The following SLC12A2 variants were observed in gnomAD, a reference collection of about 807,000 sequenced individuals.
SLC12A2 encodes the protein Na-K-2Cl cotransporter 1.
A neutral mutation model predicts 136.3 loss-of-function variants in SLC12A2; 67 were observed. That is an observed-to-expected ratio of 0.49 (90% CI 0.40 to 0.60). The LOEUF (loss-of-function observed/expected upper bound fraction) is 0.60, where lower values mean the gene tolerates loss of function less well. Ranked by LOEUF, SLC12A2 falls within the 20% of genes least tolerant of loss-of-function variation. The pLI, the probability that SLC12A2 is intolerant of heterozygous loss-of-function variation, is 0.00. For missense variants in SLC12A2, 1,322 were observed against 1,534.7 expected (o/e 0.86, Z 2.32); for synonymous variants, 619 against 562.9 (o/e 1.10, Z -1.41).
Position 128,147,649 on chromosome 5 carries a change from C to T in SLC12A2, c.1801C>T (p.Pro601Ser), listed in dbSNP as rs769611154. The T allele has an allele frequency of 6.2e-7, 1 of 1,609,252 alleles. No individual in the cohort carries two copies. Among genetic ancestry groups the T allele is most frequent in the Non-Finnish European group, 8.5e-7 (1 of 1,176,472 alleles). The change falls in exon 11 of 27, where the codon CCA becomes TCA. Residue 601 changes from proline to serine, a missense_variant. By Grantham distance (74) the Pro-to-Ser change is moderately conservative. Transcript: ENST00000262461. Reference protein sequence around the residue: ...QVMSMVSGFTPLISAGIFSAT... With the variant: ...QVMSMVSGFTSLISAGIFSAT... ...AATGAGTATGGTGTCAGGATTTACA[C>T]CACTAATTTCTGCAGGTATATTTTC...
chr5:128,112,707 A>G (rs1761197712), intron 1 of SLC12A2, 107 bp from the exon 2 acceptor site: 1 of 787,576 alleles, frequency 1.3e-6, no homozygotes, highest in Non-Finnish European at 2.0e-6. Context: ...GGAAATCTGT[A>G]CTATGCCCTC....
intron 17 of SLC12A2, among the ~76,000 whole-genome samples, chr5:128,162,535 G>C (rs1169352043): frequency 6.6e-6 from 1 of 151,928 alleles, no homozygotes; most frequent in Non-Finnish European, 1.5e-5. Flanking sequence ...GAAGAATGAG[G>C]CACCAAAAGT....
intron 17 of SLC12A2, among the ~76,000 whole-genome samples, chr5:128,162,536 C>T (rs1324522975): frequency 6.6e-6 from 1 of 151,998 alleles, no homozygotes; most frequent in Admixed American, 6.6e-5. Flanking sequence ...AAGAATGAGG[C>T]ACCAAAAGTT....
chr5:128,130,943 C>G (rs1192469876), intron 4 of SLC12A2, 124 bp from the exon 5 acceptor site: 1 of 806,530 alleles, frequency 1.2e-6, no homozygotes, highest in Non-Finnish European at 2.0e-6. Context: ...ACTCACTTGC[C>G]TCTTTAACTG....
chr5:128,159,614 T>C (rs963663465), intron 16 of SLC12A2, among the ~76,000 whole-genome samples: 2 of 151,944 alleles, frequency 1.3e-5, no homozygotes, highest in African/African-American at 2.4e-5. Flanking sequence ...ACTTTTCTTA[T>C]GTGGTCAACA....
chr5:128,125,649 G>A (rs147810600), intron 4 of SLC12A2, among the ~76,000 whole-genome samples: 7 of 152,078 alleles, frequency 4.6e-5, no homozygotes, highest in Non-Finnish European at 8.8e-5. Flanking sequence ...GTGAAGAGAC[G>A]TTTACCATTT....
intron 1 of SLC12A2, among the ~76,000 whole-genome samples, chr5:128,105,352 G>A (rs1319523522): frequency 1.3e-5 from 2 of 152,172 alleles, no homozygotes; most frequent in East Asian, 3.9e-4. Context: ...GGGGGGTATA[G>A]GACCAAGTGC....
chr5:128,103,330 A>C (rs1760813257), intron 1 of SLC12A2, among the ~76,000 whole-genome samples: 1 of 152,236 alleles, frequency 6.6e-6, no homozygotes, highest in African/African-American at 2.4e-5. Context: ...CAGAGGGATT[A>C]AATAACTTGC....
At chr5:128,143,663 G>A (rs1248234378) in intron 10 of SLC12A2, among the ~76,000 whole-genome samples, 2 of 151,984 alleles carry the variant, frequency 1.3e-5, no homozygotes, top group Non-Finnish European at 2.9e-5. Flanking sequence ...GAACACAAAG[G>A]TGTAGATTCA....
intron 6 of SLC12A2, among the ~76,000 whole-genome samples, chr5:128,135,172 T>A (rs559371399): frequency 1.3e-5 from 2 of 152,212 alleles, no homozygotes; most frequent in East Asian, 3.9e-4. Context: ...TTTCATAGAT[T>A]GTTCTTTCCT....
At chr5:128,142,934 G>A (rs1048106414) in intron 10 of SLC12A2, among the ~76,000 whole-genome samples, 2 of 151,948 alleles carry the variant, frequency 1.3e-5, no homozygotes, top group Admixed American at 6.6e-5. Flanking sequence ...GATGAATTGT[G>A]TTGTGGTGGA....
intron 1 of SLC12A2, among the ~76,000 whole-genome samples, chr5:128,107,280 C>G (rs771718286): frequency 6.6e-6 from 1 of 151,822 alleles, no homozygotes; most frequent in Non-Finnish European, 1.5e-5. Flanking sequence ...TTTCTTTTAC[C>G]GTTTATGCAC....
chr5:128,097,035 A>G (rs1760568090), intron 1 of SLC12A2, among the ~76,000 whole-genome samples: 1 of 152,098 alleles, frequency 6.6e-6, no homozygotes, highest in Non-Finnish European at 1.5e-5. Context: ...ATACAAAAAA[A>G]GAGTCAGTGA....
At position 128,188,246 on chromosome 5, in the gene SLC12A2, A is replaced by G. The variant is rs909203491; in HGVS notation, c.*1615A>G. On this transcript the variant is annotated 3_prime_UTR_variant, in exon 27 of 27. Coordinates refer to ENST00000262461, the MANE Select transcript of SLC12A2 (RefSeq NM_001046.3). ...AATACTGTTAAGTGGGTTAATTGAT[A>G]CAAGTTTCTGTGGTGGAAAATTTAT... 3.3e-5 allele frequency: 5 copies of G among 151,252 alleles called. No individual in the cohort carries two copies. Among genetic ancestry groups the G allele is most frequent in the African/African-American group, 9.7e-5 (4 of 41,110 alleles). 9.4% of individuals were successfully genotyped at this position (151,252 alleles called of 1,614,324 possible).
At chr5:128,124,986 GTT>G (rs1277651044) in intron 4 of SLC12A2, among the ~76,000 whole-genome samples, 2 of 152,096 alleles carry the variant, frequency 1.3e-5, no homozygotes, top group African/African-American at 2.4e-5. Context: ...AATTCCAAGG[GTT>G]TTATAAGCTC....
chr5:128,112,939 T>C lies in SLC12A2; in HGVS notation c.876+6T>C. Reference sequence around the variant, plus strand: ...GCTGGATCAAGGGTGTATTAGTATGTATATATAGACTTAATTTTATAGTTA... The same window carrying C: ...GCTGGATCAAGGGTGTATTAGTATGCATATATAGACTTAATTTTATAGTTA... On this transcript the variant is annotated splice_donor_region_variant and intron_variant, in intron 2 of 26. Transcript: ENST00000262461. The C allele has an allele frequency of 6.3e-7, 1 of 1,586,428 alleles. No individual in the cohort carries two copies. The highest frequency in any genetic ancestry group is 8.5e-7 in the Non-Finnish European group (1 of 1,170,876).
Position 128,186,747 on chromosome 5 carries a change from T to C in SLC12A2, c.*116T>C. 8.9e-7 allele frequency: 1 copy of C among 1,128,244 alleles called. No homozygotes were observed. The highest frequency in any genetic ancestry group is 1.3e-6 in the Non-Finnish European group (1 of 788,492). 69.9% of individuals were successfully genotyped at this position (1,128,244 alleles called of 1,614,324 possible). On this transcript the variant is annotated 3_prime_UTR_variant, in exon 27 of 27. Transcript: ENST00000262461. ...GCGAATGGTGACTTTTCTTTCACGATTTCATTAATTTGAAAGCACACAGGA... is the reference window on the plus strand; with the variant it reads ...GCGAATGGTGACTTTTCTTTCACGACTTCATTAATTTGAAAGCACACAGGA...
chr5:128,122,941 G>A (rs1048957938), intron 4 of SLC12A2, among the ~76,000 whole-genome samples: 1 of 151,884 alleles, frequency 6.6e-6, no homozygotes, highest in Non-Finnish European at 1.5e-5. Flanking sequence ...GTATTATGAG[G>A]TTTATTAAAT....
chr5:128,114,944 A>T (rs988321294), intron 4 of SLC12A2, among the ~76,000 whole-genome samples: 1 of 152,108 alleles, frequency 6.6e-6, no homozygotes, highest in African/African-American at 2.4e-5. Flanking sequence ...ACTGGGCTGC[A>T]TCTTAATTGC....
Sources: gnomAD v4.1 joint callset for allele counts (sites outside exome capture counted in the v4.1 genomes callset) on GRCh38, gnomAD v4.1.1 for gene constraint, MANE v1.5 for transcripts, NCBI Gene and HGNC (gene_info 2026-07-23, HGNC 2026-07-21) for gene names.